The following PCMTD2 variants were observed in gnomAD, a reference collection of about 807,000 sequenced individuals.
The protein encoded by PCMTD2 is protein-L-isoaspartate O-methyltransferase domain-containing protein 2.
Under a neutral mutation model 33.4 loss-of-function variants are expected in PCMTD2, and 16 were observed. The ratio of observed to expected loss-of-function variants is 0.48; its 90% CI spans 0.32 to 0.73. PCMTD2 has a LOEUF of 0.73. Ranked by LOEUF, PCMTD2 falls within the 30% of genes least tolerant of loss-of-function variation. PCMTD2 has a pLI of 0.03. For missense variants in PCMTD2, 374 were observed against 449.9 expected, an observed-to-expected ratio of 0.83 and a Z score of 1.53; for synonymous variants, 161 against 160.8, an observed-to-expected ratio of 1.00 and a Z score of -0.01.
intron 4 of PCMTD2, among the ~76,000 whole-genome samples, chr20:64,266,625 G>T (rs1245050793): frequency 6.6e-6 from 1 of 152,178 alleles, no homozygotes; most frequent in Non-Finnish European, 1.5e-5. Context: ...CTGGCCTCAA[G>T]CAATTGCCTC....
intron 2 of PCMTD2, 116 bp downstream of exon 2, chr20:64,260,388 T>C (rs1985358765): frequency 2.9e-6 from 2 of 695,972 alleles, no homozygotes; most frequent in Non-Finnish European, 5.0e-6. Flanking sequence ...GCCTTCCCAG[T>C]AGTTATCTGA....
Position 64,260,088 on chromosome 20 carries a change from T to C in PCMTD2, c.123T>C (p.Tyr41=). 1 of 1,613,330 alleles carries C rather than the reference T, an allele frequency of 6.2e-7. No homozygotes were observed. ...TCAGAGCTATCGATCGTGCAGACTA[T>C]TATCTTGAAGAATTTAAAGAAAATG... is the stretch of plus-strand genomic sequence containing the variant. ...QAFRAIDRAD[Y]YLEEFKENAY... Residue 41 remains tyrosine (Y), a synonymous_variant, in exon 2 of 6, where the codon TAT becomes TAC. Coordinates refer to ENST00000308824, the MANE Select transcript of PCMTD2 (RefSeq NM_018257.3).
rs1986026774 is a variant in PCMTD2 at position 64,274,210 on chromosome 20, T to C, written c.*610T>C. The C allele has an allele frequency of 6.6e-6, 1 of 152,220 alleles. No individual in the cohort carries two copies. Among genetic ancestry groups the C allele is most frequent in the South Asian group, 2.1e-4 (1 of 4,828 alleles). 9.4% of individuals were successfully genotyped at this position (152,220 alleles called of 1,614,324 possible). The stretch of plus-strand genomic sequence containing the variant: ...GATTAAATCTTATGTGAGTTGCCAG[T>C]TGTAATTTTTCAAAGGAAAAATTTT... On this transcript the variant is annotated 3_prime_UTR_variant, in exon 6 of 6. Coordinates refer to ENST00000308824, the MANE Select transcript of PCMTD2 (RefSeq NM_018257.3).
chr20:64,270,481 G>A (rs995599618), intron 5 of PCMTD2, among the ~76,000 whole-genome samples: 3 of 148,732 alleles, frequency 2.0e-5, no homozygotes, highest in African/African-American at 7.5e-5. Flanking sequence ...TGTGAATGCG[G>A]GCGTGCATGG....
intron 1 of PCMTD2, chr20:64,257,121 C>T (rs1174861372): frequency 6.6e-6 from 1 of 152,182 alleles, no homozygotes; most frequent in Non-Finnish European, 1.5e-5. Context: ...GTCCTTTTCC[C>T]CACTCATCTT....
intron 4 of PCMTD2, among the ~76,000 whole-genome samples, chr20:64,267,449 C>T (rs1985708116): frequency 6.6e-6 from 1 of 152,170 alleles, no homozygotes; most frequent in Non-Finnish European, 1.5e-5. Flanking sequence ...AGGACTTAGC[C>T]ACCCTCCCAA....
At chr20:64,259,313 CTT>C (rs1399584638) in intron 1 of PCMTD2, among the ~76,000 whole-genome samples, 4 of 151,198 alleles carry the variant, frequency 2.6e-5, no homozygotes, top group African/African-American at 9.7e-5. Context: ...TGGGTGGGTA[CTT>C]TTGTGTATGT....
rs199974837 is a variant in PCMTD2 at position 64,273,304 on chromosome 20, G to T, written c.790G>T (p.Val264Leu). The T allele has an allele frequency of 9.2e-5, 149 of 1,614,172 alleles. No individual in the cohort carries two copies. Among genetic ancestry groups the T allele is most frequent in the Non-Finnish European group, 1.2e-4 (136 of 1,180,012 alleles). ...TAAAAAGATTATTCATCAGGAAACT[G>T]TGAGCAAAAACGGAAACGGACTAAA... Reference protein sequence around the residue: ...TIKKIIHQETVSKNGNGLKNT... With the variant: ...TIKKIIHQETLSKNGNGLKNT... Residue 264 changes from valine (V) to leucine (L), a missense_variant, in exon 6 of 6, where the codon GTG (valine) becomes TTG (leucine). Coordinates refer to ENST00000308824, the MANE Select transcript of PCMTD2 (RefSeq NM_018257.3).
chr20:64,264,093 A>G (rs1985551079), intron 2 of PCMTD2, among the ~76,000 whole-genome samples: 1 of 152,230 alleles, frequency 6.6e-6, no homozygotes, highest in African/African-American at 2.4e-5. Flanking sequence ...TTTCAGGGAA[A>G]ACAGAATCGT....
chr20:64,268,276 G>C (rs1454942091), intron 5 of PCMTD2, among the ~76,000 whole-genome samples: 1 of 152,178 alleles, frequency 6.6e-6, no homozygotes, highest in African/African-American at 2.4e-5. Flanking sequence ...ACATAAAAGG[G>C]AGCTCATTTT....
intron 1 of PCMTD2, chr20:64,256,592 C>G (rs1375942960): frequency 6.6e-6 from 1 of 152,172 alleles, no homozygotes; most frequent in Non-Finnish European, 1.5e-5. Context: ...GATAGACTGT[C>G]ATTCAAGAAT....
At chr20:64,257,961 T>C (rs1276483173) in intron 1 of PCMTD2, among the ~76,000 whole-genome samples, 1 of 152,190 alleles carries the variant, frequency 6.6e-6, no homozygotes, top group East Asian at 1.9e-4. Context: ...AAGGTGCTTG[T>C]TTTTACTAAA....
At chr20:64,263,405 G>T (rs184276971) in intron 2 of PCMTD2, among the ~76,000 whole-genome samples, 1 of 152,284 alleles carries the variant, frequency 6.6e-6, no homozygotes, top group East Asian at 1.9e-4. Flanking sequence ...TACTAGGAGG[G>T]CCCACACGGT....
chr20:64,259,343 C>T (rs1985295217), intron 1 of PCMTD2, among the ~76,000 whole-genome samples: 1 of 151,272 alleles, frequency 6.6e-6, no homozygotes, highest in Non-Finnish European at 1.5e-5. Context: ...ATAGAATTCC[C>T]AGATGTAATA....
chr20:64,274,664 T>C lies in PCMTD2; in HGVS notation c.*1064T>C, dbSNP rs527720714. The stretch of plus-strand genomic sequence containing the variant: ...AGAAAAAGATTTGTTAGTTTTGTAA[T>C]TTTTTTGTAAGACCAAATGTATGTA... On this transcript the variant is annotated 3_prime_UTR_variant, in exon 6 of 6. Coordinates refer to ENST00000308824, the MANE Select transcript of PCMTD2 (RefSeq NM_018257.3). 6.4e-4 allele frequency: 98 copies of C among 152,328 alleles called. No individual in the cohort carries two copies. Among genetic ancestry groups the C allele is most frequent in the African/African-American group, 2.4e-3 (98 of 41,576 alleles). The allele number at this position is 152,328 out of a possible 1,614,324, so 9.4% of individuals were successfully genotyped here. A position where few individuals can be genotyped will look rare whatever the true frequency, so the allele number is the denominator to read the frequency against.
intron 1 of PCMTD2, among the ~76,000 whole-genome samples, chr20:64,258,339 C>A (rs1054308363): frequency 3.9e-5 from 6 of 152,162 alleles, no homozygotes; most frequent in African/African-American, 1.2e-4. Flanking sequence ...AGTCAGCTGG[C>A]TGTGGACCGT....
At position 64,264,512 on chromosome 20, in the gene PCMTD2, AC is replaced by A. The variant is rs1985569497; in HGVS notation, c.392del (p.Thr131LysfsTer47). 1 of 1,568,884 alleles carries A rather than the reference AC, an allele frequency of 6.4e-7. No homozygotes were observed. The highest frequency in any genetic ancestry group is 8.8e-7 in the Non-Finnish European group (1 of 1,139,040). On this transcript the variant is annotated frameshift_variant, in exon 3 of 6. Transcript: ENST00000308824. LOFTEE classifies it high-confidence loss of function. ...AKQKLDFFIR[T>X]SDSFDKFDFC... is the part of the protein sequence containing the mutation. ...GCAGAAACTGGACTTCTTCATCAGA[AC>A]AAGTGATAGTTTTGACAAGTAAGAT... is the stretch of plus-strand genomic sequence containing the variant.
chr20:64,261,895 A>G (rs1246812138), intron 2 of PCMTD2, among the ~76,000 whole-genome samples: 16 of 152,234 alleles, frequency 1.1e-4, no homozygotes, highest in Admixed American at 1.0e-3. Flanking sequence ...ATAGGTGATC[A>G]AGCTGACTAG....
At chr20:64,259,743 T>C (rs1462839637) in intron 1 of PCMTD2, 199 bp from the exon 2 acceptor site, 4 of 562,102 alleles carry the variant, frequency 7.1e-6, no homozygotes, top group Admixed American at 3.4e-5. Context: ...TTGTTTACCT[T>C]AATTTCCAAT....
Sources: gnomAD v4.1 joint callset for allele counts (sites outside exome capture counted in the v4.1 genomes callset) on GRCh38, gnomAD v4.1.1 for gene constraint, MANE v1.5 for transcripts, NCBI Gene and HGNC (gene_info 2026-07-23, HGNC 2026-07-21) for gene names.